The following CFAP20DC variants were observed in gnomAD, a reference collection of about 807,000 sequenced individuals.
CFAP20DC encodes the protein protein CFAP20DC.
Under a neutral mutation model 101.7 loss-of-function variants are expected in CFAP20DC, and 84 were observed. The ratio of observed to expected loss-of-function variants is 0.83; its 90% CI spans 0.69 to 0.99. CFAP20DC has a LOEUF of 0.99. CFAP20DC is among the 50% of genes least tolerant of loss of function. The probability of loss-of-function intolerance (pLI) is 0.00; values close to 1 mark genes in which losing one functional copy is unlikely to be tolerated. For missense variants in CFAP20DC, 1,007 were observed against 970.3 expected (o/e 1.04, Z -0.50); for synonymous variants, 359 against 351.2 (o/e 1.02, Z -0.25).
At chr3:58,753,964 C>G in intron 15 of CFAP20DC, 101 bp from the exon 16 acceptor site, 1 of 699,898 alleles carries the variant, frequency 1.4e-6, no homozygotes, top group Admixed American at 3.0e-5. Context: ...AAAAGAAACA[C>G]TTTTTTTCCT....
In CFAP20DC at chr3:58,864,081, C is replaced by T. The variant is rs1254868785; in HGVS notation, c.1259-189G>A. ...TCAAGTGATTCTCCTGCCTGAGCCT[C>T]CTGAGTAGGTGGGATTACAGGTGCA... On this transcript the variant is annotated intron_variant, in intron 11 of 16. Transcript: ENST00000482387. The surrounding 1 kb of genome is among the most constrained non-coding windows in gnomAD (Gnocchi z 4.7). Among the ~76,000 whole-genome samples, 3 of 152,132 alleles carry T rather than the reference C, an allele frequency of 2.0e-5. No homozygotes were observed. The highest frequency in any genetic ancestry group is 7.2e-5 in the African/African-American group (3 of 41,416).
intron 12 of CFAP20DC, among the ~76,000 whole-genome samples, chr3:58,855,164 A>C (rs1444934822): frequency 2.0e-5 from 3 of 152,116 alleles, no homozygotes; most frequent in Non-Finnish European, 4.4e-5. Context: ...ACCCCATCAA[A>C]AAGTGGGTGA....
intron 4 of CFAP20DC, among the ~76,000 whole-genome samples, chr3:58,940,207 T>C (rs1281993491): frequency 6.6e-6 from 1 of 152,218 alleles, no homozygotes; most frequent in African/African-American, 2.4e-5. Flanking sequence ...CCAGGAAAAT[T>C]GCTGGGAGTA....
chr3:58,862,504 A>G (rs941410238), intron 12 of CFAP20DC: 1 of 985,310 alleles, frequency 1.0e-6, no homozygotes, highest in Admixed American at 6.1e-5. Context: ...AAGCAAGAAT[A>G]TTGTGAAAAG....
intron 13 of CFAP20DC, 126 bp downstream of exon 13, chr3:58,848,906 G>T: frequency 5.0e-6 from 6 of 1,197,062 alleles, no homozygotes. Flanking sequence ...ATCAGAACAG[G>T]AAAGAAAATA....
intron 15 of CFAP20DC, among the ~76,000 whole-genome samples, chr3:58,767,352 T>TA (rs971584236): frequency 6.6e-6 from 1 of 152,174 alleles, no homozygotes; most frequent in Non-Finnish European, 1.5e-5. Flanking sequence ...AAGAAAAATT[T>TA]AATTTTCTAC....
chr3:58,772,150 T>C (rs894996767), intron 15 of CFAP20DC, among the ~76,000 whole-genome samples: 1 of 152,198 alleles, frequency 6.6e-6, no homozygotes, highest in Admixed American at 6.5e-5. Flanking sequence ...TCTTAAGTGA[T>C]GGCAGTTTGC....
rs561625743 is a variant in CFAP20DC, at chr3:58,940,900, A to G, written c.279-3138T>C. 5.9e-5 allele frequency among the ~76,000 whole-genome samples: 9 copies of G among 152,322 alleles called. No homozygotes were observed. The South Asian group carries it at 1.7e-3, about 28-fold the overall frequency. ...GATCATGTCTACTCACATGATATGT[A>G]TCTCCAATTATTTAGGCTTTGCTTA... is the stretch of plus-strand genomic sequence containing the variant. On this transcript the variant is annotated intron_variant, in intron 4 of 16. Transcript: ENST00000482387.
chr3:58,845,760 C>T (rs1195081593), intron 13 of CFAP20DC, among the ~76,000 whole-genome samples: 2 of 149,406 alleles, frequency 1.3e-5, no homozygotes, highest in African/African-American at 2.4e-5. Flanking sequence ...TGCAAAAATC[C>T]TCAATAAAAT....
At chr3:58,960,778 G>T (rs977890604) in intron 4 of CFAP20DC, among the ~76,000 whole-genome samples, 2 of 151,758 alleles carry the variant, frequency 1.3e-5, no homozygotes, top group Admixed American at 1.3e-4. Flanking sequence ...TATTTTTCTT[G>T]TCTTATTTCA....
intron 15 of CFAP20DC, among the ~76,000 whole-genome samples, chr3:58,755,827 T>C (rs943571030): frequency 2.6e-5 from 4 of 152,188 alleles, no homozygotes; most frequent in Non-Finnish European, 5.9e-5. Flanking sequence ...TAACTATATA[T>C]CTATCTAAAC....
At position 58,869,303 on chromosome 3, in the gene CFAP20DC, A is replaced by G. The variant is rs765920468; in HGVS notation, c.1015+25T>C. On this transcript the variant is annotated intron_variant, in intron 9 of 16. Transcript: ENST00000482387. The surrounding 1 kb of genome is among the most constrained non-coding windows in gnomAD (Gnocchi z 4.3). ...TTCTCACTATTTTCACTAGCTATCA[A>G]TCTTTATGCATGATTATTTCTTACC... 5.7e-6 allele frequency: 9 copies of G among 1,579,542 alleles called. No homozygotes were observed. In the South Asian group the frequency reaches 9.1e-5, roughly 16 times the overall value.
At position 58,912,753 on chromosome 3, in the gene CFAP20DC, T is replaced by C. The variant is rs192964218; in HGVS notation, c.550+955A>G. 6.6e-6 allele frequency: 3 copies of C among 456,350 alleles called. No homozygotes were observed. The East Asian group carries it at 2.1e-4, about 32-fold the overall frequency. The allele number at this position is 456,350 out of a possible 1,614,324, so 28.3% of individuals were successfully genotyped here. A position where few individuals can be genotyped will look rare whatever the true frequency, so the allele number is the denominator to read the frequency against. Reference sequence around the variant, plus strand: ...AGGGAGCTGAGTTACCTGCAGAGTATATTTATAAATCAAATTATGAACAAT... The same window carrying C: ...AGGGAGCTGAGTTACCTGCAGAGTACATTTATAAATCAAATTATGAACAAT... On this transcript the variant is annotated intron_variant, in intron 6 of 16. Coordinates refer to ENST00000482387, the MANE Select transcript of CFAP20DC (RefSeq NM_001394063.1). The surrounding 1 kb of genome is among the most constrained non-coding windows in gnomAD (Gnocchi z 4.4).
intron 15 of CFAP20DC, among the ~76,000 whole-genome samples, chr3:58,782,408 A>C (rs148759049): frequency 1.3e-5 from 2 of 152,094 alleles, no homozygotes; most frequent in African/African-American, 4.8e-5. Flanking sequence ...CTCCTGTTCA[A>C]CGTAATACTG....
At chr3:58,741,499 A>AT (rs570289689), downstream of CFAP20DC, among the ~76,000 whole-genome samples, 1,317 of 142,912 alleles carry the variant, frequency 9.2e-3, 19 homozygotes, top group African/African-American at 0.023. Flanking sequence ...TTGTCAAAAT[A>AT]TTTTTTTTTT....
chr3:58,907,898 C>T lies in CFAP20DC; in HGVS notation c.550+5810G>A, dbSNP rs1166896697. ...CACCTTGAACCATAGTGTGCTTCCCCGTGTCTATTCAGAACATTTCAGGCC... is the reference window on the plus strand; with the variant it reads ...CACCTTGAACCATAGTGTGCTTCCCTGTGTCTATTCAGAACATTTCAGGCC... On this transcript the variant is annotated intron_variant, in intron 6 of 16. Transcript: ENST00000482387. 1.2e-4 allele frequency among the ~76,000 whole-genome samples: 19 copies of T among 152,236 alleles called. No homozygotes were observed. In the East Asian group the frequency reaches 3.1e-3, roughly 25 times the overall value.
At position 58,971,548 on chromosome 3, in the gene CFAP20DC, C is replaced by G. The variant is rs2091950110; in HGVS notation, c.279-33786G>C. Among the ~76,000 whole-genome samples, 3 of 152,022 alleles carry G rather than the reference C, an allele frequency of 2.0e-5. No homozygotes were observed. The South Asian group carries it at 6.2e-4, about 32-fold the overall frequency. On this transcript the variant is annotated intron_variant, in intron 4 of 16. Coordinates refer to ENST00000482387, the MANE Select transcript of CFAP20DC (RefSeq NM_001394063.1). This position sits in a 1 kb window ranked among gnomAD's most constrained non-coding sequence, Gnocchi z 4.1. ...TTTTCATTTTTACACGAAAATCTCA[C>G]ACATATTTAAATAGAGGACATTTCA...
chr3:59,033,040 G>C (rs1332973880), intron 4 of CFAP20DC, among the ~76,000 whole-genome samples: 2 of 152,142 alleles, frequency 1.3e-5, no homozygotes, highest in Non-Finnish European at 2.9e-5. Context: ...GCCTCCACTG[G>C]TGATACCTAG....
rs571965488 is a variant in CFAP20DC, at chr3:58,764,669, G to A, written c.2238-10806C>T. On this transcript the variant is annotated intron_variant, in intron 15 of 16. Coordinates refer to ENST00000482387, the MANE Select transcript of CFAP20DC (RefSeq NM_001394063.1). Reference sequence around the variant, plus strand: ...CTATTCGGCCATCTTGGCTCCACCCGACTATAATCCTTTTATGCCATGGAC... The same window carrying A: ...CTATTCGGCCATCTTGGCTCCACCCAACTATAATCCTTTTATGCCATGGAC... 3.2e-4 allele frequency among the ~76,000 whole-genome samples: 49 copies of A among 152,218 alleles called. 1 individual carries two copies. The highest frequency in any genetic ancestry group is 5.9e-4 in the Non-Finnish European group (40 of 68,004).
Sources: gnomAD v4.1 joint callset for allele counts (sites outside exome capture counted in the v4.1 genomes callset) on GRCh38, gnomAD v4.1.1 for gene constraint, Gnocchi (gnomAD v3.1) non-coding constraint, MANE v1.5 for transcripts, NCBI Gene and HGNC (gene_info 2026-07-23, HGNC 2026-07-21) for gene names.